Variants in ABCC3 observed in about 807,000 individuals in gnomAD.
ABCC3 encodes ATP binding cassette subfamily C member 3.
A neutral mutation model predicts 165.3 loss-of-function variants in ABCC3; 121 were observed. The observed-to-expected ratio is 0.73, with a 90% CI of 0.63 to 0.85. The LOEUF is 0.85. Ranked by LOEUF, ABCC3 falls within the 40% of genes least tolerant of loss-of-function variation. The pLI, the probability that ABCC3 is intolerant of heterozygous loss-of-function variation, is 0.00. For missense variants in ABCC3, 1,869 were observed against 1,964.1 expected (o/e 0.95, Z 0.92); for synonymous variants, 733 against 810.1 (o/e 0.90, Z 1.62).
rs561696182 is a variant in ABCC3 at position 50,683,668 on chromosome 17, T to C, written c.3866T>C (p.Val1289Ala). 1.3e-6 allele frequency: 2 copies of C among 1,598,660 alleles called. No individual in the cohort carries two copies. Among genetic ancestry groups the C allele is most frequent in the African/African-American group, 1.4e-5 (1 of 73,864 alleles). Residue 1289 changes from valine (V) to alanine (A), a missense_variant, in exon 27 of 31, where the codon GTG becomes GCG. Coordinates refer to ENST00000285238, the MANE Select transcript of ABCC3 (RefSeq NM_003786.4). ...GAAGGTTGGCCCCCACGTGGGGAGG[T>C]GGAGTTCCGGAATTATTCTGTGCGC... ...PPEGWPPRGEVEFRNYSVRYR... is the reference protein window; with the variant it reads ...PPEGWPPRGEAEFRNYSVRYR...
At chr17:50,654,245 G>A (rs149011629) in intron 1 of ABCC3, among the ~76,000 whole-genome samples, 162 of 152,228 alleles carry the variant, frequency 1.1e-3, no homozygotes, top group African/African-American at 3.7e-3. Flanking sequence ...TGAGATTGTG[G>A]GTGGTTTTTC....
chr17:50,684,648 G>C, intron 28 of ABCC3, 61 bp from the exon 29 acceptor site: 2 of 1,535,406 alleles, frequency 1.3e-6, no homozygotes, highest in Non-Finnish European at 1.8e-6. Flanking sequence ...CCTGGACCTG[G>C]GGCCTATGGC....
At chr17:50,681,394 C>A (rs1460394343) in intron 26 of ABCC3, among the ~76,000 whole-genome samples, 1 of 152,168 alleles carries the variant, frequency 6.6e-6, no homozygotes, top group Non-Finnish European at 1.5e-5. Context: ...CTTTCTGTTT[C>A]AAAGCCCAGC....
chr17:50,642,643 G>T (rs1477777169), intron 1 of ABCC3, among the ~76,000 whole-genome samples: 1 of 152,202 alleles, frequency 6.6e-6, no homozygotes, highest in Non-Finnish European at 1.5e-5. Flanking sequence ...GGAGACTGAG[G>T]TTCAAGGGCA....
intron 1 of ABCC3, chr17:50,635,341 C>T: frequency 1.6e-6 from 1 of 633,102 alleles, no homozygotes; most frequent in Non-Finnish European, 2.9e-6. Flanking sequence ...CGCAATCAGC[C>T]GCGGGTTCCT....
At chr17:50,682,156 C>T (rs1195490266) in intron 26 of ABCC3, among the ~76,000 whole-genome samples, 1 of 152,022 alleles carries the variant, frequency 6.6e-6, no homozygotes, top group Non-Finnish European at 1.5e-5. Context: ...CGTCCCCACT[C>T]CCGGAAGAAC....
intron 26 of ABCC3, among the ~76,000 whole-genome samples, chr17:50,681,131 A>C (rs1967920322): frequency 6.6e-6 from 1 of 151,722 alleles, no homozygotes; most frequent in Admixed American, 6.6e-5. Flanking sequence ...TTATAACCAC[A>C]CACCACGGCT....
rs1967898004 is a variant in ABCC3 at position 50,679,876 on chromosome 17, G to A, written c.3784G>A (p.Glu1262Lys). 2 of 1,614,096 alleles carry A rather than the reference G, an allele frequency of 1.2e-6. No homozygotes were observed. The highest frequency in any genetic ancestry group is 1.7e-6 in the Non-Finnish European group (2 of 1,179,972). Residue 1262 changes from glutamate (E) to lysine (K), a missense_variant, in exon 26 of 31, where the codon GAG (glutamate) becomes AAG (lysine). Coordinates refer to ENST00000285238, the MANE Select transcript of ABCC3 (RefSeq NM_003786.4). Reference protein sequence around the residue: ...SNIVAVERVKEYSKTETEAPW... With the variant: ...SNIVAVERVKKYSKTETEAPW... ...CATCGTGGCTGTGGAGAGGGTCAAG[G>A]AGTACTCCAAGACAGAGACAGAGGT...
intron 1 of ABCC3, among the ~76,000 whole-genome samples, chr17:50,636,292 G>A (rs1262517733): frequency 2.6e-5 from 4 of 152,146 alleles, no homozygotes; most frequent in Admixed American, 2.0e-4. Flanking sequence ...GTATAAGTCT[G>A]GAGCTATGCT....
chr17:50,649,915 T>C (rs1035789233), intron 1 of ABCC3, among the ~76,000 whole-genome samples: 1 of 152,216 alleles, frequency 6.6e-6, no homozygotes, highest in Admixed American at 6.5e-5. Flanking sequence ...GTTCTCAGTT[T>C]TCTTAAGTGA....
chr17:50,672,387 A>G (rs1224928412), intron 17 of ABCC3, among the ~76,000 whole-genome samples: 2 of 152,254 alleles, frequency 1.3e-5, no homozygotes, highest in Non-Finnish European at 1.5e-5. Context: ...CATTATAGGT[A>G]TATACACATT....
intron 30 of ABCC3, among the ~76,000 whole-genome samples, chr17:50,689,221 T>C (rs923227552): frequency 2.0e-5 from 3 of 152,210 alleles, no homozygotes; most frequent in African/African-American, 4.8e-5. Flanking sequence ...ATATTTAAAC[T>C]GCAGGTGATC....
rs192225430 is a variant in ABCC3 at position 50,675,859 on chromosome 17, G to A, written c.2860-24G>A. On this transcript the variant is annotated intron_variant, in intron 21 of 30. Coordinates refer to ENST00000285238, the MANE Select transcript of ABCC3 (RefSeq NM_003786.4). ...AGGGTTTATGGAGTCCCCTGTCCCTGACTGCCATGGCTGCTCCCTACAGGT... is the reference window on the plus strand; with the variant it reads ...AGGGTTTATGGAGTCCCCTGTCCCTAACTGCCATGGCTGCTCCCTACAGGT... The A allele has an allele frequency of 8.4e-5, 136 of 1,613,410 alleles. No individual in the cohort carries two copies. In the African/African-American group the frequency reaches 1.6e-3, roughly 19 times the overall value.
chr17:50,689,504 GTCT>G (rs747193346), intron 30 of ABCC3, among the ~76,000 whole-genome samples: 7 of 152,244 alleles, frequency 4.6e-5, no homozygotes, highest in Admixed American at 3.3e-4. Context: ...GCTCAGACAA[GTCT>G]TCTTTGAAGG....
chr17:50,668,638 C>T (rs551569533), intron 14 of ABCC3, 121 bp downstream of exon 14: 18 of 839,768 alleles, frequency 2.1e-5, no homozygotes, highest in Admixed American at 4.7e-5. Context: ...ACATCTGCTT[C>T]GACTCTGACC....
chr17:50,634,898 C>G lies in ABCC3; in HGVS notation c.-39C>G, dbSNP rs1432880547. On this transcript the variant is annotated 5_prime_UTR_variant, in exon 1 of 31. Coordinates refer to ENST00000285238, the MANE Select transcript of ABCC3 (RefSeq NM_003786.4). ...CGCCCGCTCTGCCCGCCGCTGGGTC[C>G]GACCGCGCTCGCCTTCCTTGCAGCC... 8.0e-7 allele frequency: 1 copy of G among 1,248,744 alleles called. No individual in the cohort carries two copies. Among genetic ancestry groups the G allele is most frequent in the South Asian group, 3.3e-5 (1 of 30,270 alleles). The allele number at this position is 1,248,744 out of a possible 1,614,324, so 77.4% of individuals were successfully genotyped here.
chr17:50,684,254 T>G, intron 28 of ABCC3, 147 bp downstream of exon 28: 1 of 1,114,382 alleles, frequency 9.0e-7, no homozygotes, highest in Non-Finnish European at 1.2e-6. Context: ...AGCAGAGCCA[T>G]CAGTGAGCCA....
intron 17 of ABCC3, among the ~76,000 whole-genome samples, chr17:50,670,488 G>A (rs1567834051): frequency 6.6e-6 from 1 of 152,110 alleles, no homozygotes; most frequent in Non-Finnish European, 1.5e-5. Context: ...TCTATTCTGG[G>A]AAATAGTATA....
chr17:50,670,543 A>T (rs1377298065), intron 17 of ABCC3, among the ~76,000 whole-genome samples: 1 of 152,238 alleles, frequency 6.6e-6, no homozygotes, highest in African/African-American at 2.4e-5. Flanking sequence ...CTACCTTCAT[A>T]TAGCTCACAT....
Sources: allele counts gnomAD v4.1 joint callset (sites outside exome capture counted in the v4.1 genomes callset), GRCh38; gene constraint gnomAD v4.1.1; transcripts MANE v1.5; gene names NCBI Gene and HGNC (gene_info 2026-07-23, HGNC 2026-07-21).